R3HDM2: variants seen among roughly 807,000 people sequenced by gnomAD.
R3HDM2 encodes the protein R3H domain-containing protein 2.
R3HDM2 carries 38 observed loss-of-function variants against 124.5 expected under a neutral mutation model. The observed-to-expected ratio is 0.31, with a 90% CI of 0.24 to 0.40. The LOEUF (loss-of-function observed/expected upper bound fraction) is 0.40, where lower values mean the gene tolerates loss of function less well. Among genes scored for constraint, R3HDM2 ranks in the 10% least tolerant of loss-of-function variants. The pLI, the probability that R3HDM2 is intolerant of heterozygous loss-of-function variation, is 1.00. For missense variants in R3HDM2, 869 were observed against 1,236.9 expected (o/e 0.70, Z 4.46); for synonymous variants, 391 against 448.0 (o/e 0.87, Z 1.61).
At chr12:57,419,145 T>C (rs1254681246) in intron 1 of R3HDM2, among the ~76,000 whole-genome samples, 2 of 137,028 alleles carry the variant, frequency 1.5e-5, no homozygotes, top group African/African-American at 2.7e-5. Flanking sequence ...TCTCCTTTCC[T>C]TTTTTTTTTT....
chr12:57,318,016 G>A (rs75307615), intron 2 of R3HDM2, among the ~76,000 whole-genome samples: 2,612 of 151,018 alleles, frequency 0.017, 28 homozygotes, highest in Middle Eastern at 0.079. Flanking sequence ...ATGGCTGGGC[G>A]AGGTGGCTCA....
chr12:57,350,287 T>G (rs971519559), intron 2 of R3HDM2, among the ~76,000 whole-genome samples: 1 of 151,758 alleles, frequency 6.6e-6, no homozygotes, highest in South Asian at 2.1e-4. Context: ...ATAACAACAA[T>G]AAAAAATGGG....
chr12:57,296,771 A>G lies in R3HDM2; in HGVS notation c.561-220T>C. The G allele has an allele frequency of 2.0e-6, 1 of 498,030 alleles. No homozygotes were observed. Among genetic ancestry groups the G allele is most frequent in the South Asian group, 2.6e-5 (1 of 38,162 alleles). 30.9% of individuals were successfully genotyped at this position (498,030 alleles called of 1,614,324 possible). A position where few individuals can be genotyped will look rare whatever the true frequency, so the allele number is the denominator to read the frequency against. ...TTACTATGACCTACTTTCCTCATTA[A>G]GACTACTCATTGCTGGGTGCAGTGG... On this transcript the variant is annotated intron_variant, in intron 8 of 23. Transcript: ENST00000402412. The surrounding 1 kb of genome is among the most constrained non-coding windows in gnomAD (Gnocchi z 4.5).
rs2070491016 is a variant in R3HDM2 at position 57,424,235 on chromosome 12, GCA to G, written c.-106+6483_-106+6484del. Among the ~76,000 whole-genome samples, 3 of 150,752 alleles carry G rather than the reference GCA, an allele frequency of 2.0e-5. No individual in the cohort carries two copies. In the East Asian group the frequency reaches 5.9e-4, roughly 30 times the overall value. On this transcript the variant is annotated intron_variant, in intron 1 of 23. Coordinates refer to ENST00000402412, the MANE Select transcript of R3HDM2 (RefSeq NM_001394031.1). ...GTACAGTGGCGTGATCTCAATCACT[GCA>G]ACTTCCGCCTTCCAGGTTCAAGCAA...
At position 57,397,972 on chromosome 12, in the gene R3HDM2, A is replaced by C. The variant is rs372927757; in HGVS notation, c.-105-2154T>G. Among the ~76,000 whole-genome samples, 23 of 152,310 alleles carry C rather than the reference A, an allele frequency of 1.5e-4. No individual in the cohort carries two copies. The East Asian group carries it at 3.7e-3, about 24-fold the overall frequency. ...GCTAAGGCGGGCGAATCACGAGCTC[A>C]GGAGTTCGAGACCAGCCTGGCCAAC... On this transcript the variant is annotated intron_variant, in intron 1 of 23. Transcript: ENST00000402412.
intron 1 of R3HDM2, among the ~76,000 whole-genome samples, chr12:57,411,650 C>T (rs1325893893): frequency 6.6e-6 from 1 of 152,222 alleles, no homozygotes; most frequent in Non-Finnish European, 1.5e-5. Context: ...GCAGTACATT[C>T]TCAAGCTGTT....
intron 2 of R3HDM2, among the ~76,000 whole-genome samples, chr12:57,395,305 G>GT: frequency 6.6e-6 from 1 of 152,148 alleles, no homozygotes; most frequent in African/African-American, 2.4e-5. Flanking sequence ...GGGAGTTCCA[G>GT]ACCAGCCTGA....
At chr12:57,414,256 C>T (rs1472108945) in intron 1 of R3HDM2, among the ~76,000 whole-genome samples, 3 of 150,934 alleles carry the variant, frequency 2.0e-5, no homozygotes, top group Non-Finnish European at 3.0e-5. Flanking sequence ...GAGGCTGAGG[C>T]GGGCTGATCA....
chr12:57,332,771 A>C (rs2058372632), intron 2 of R3HDM2, among the ~76,000 whole-genome samples: 1 of 152,238 alleles, frequency 6.6e-6, no homozygotes, highest in African/African-American at 2.4e-5. Flanking sequence ...CAGATACTGA[A>C]CACACTTTTT....
intron 2 of R3HDM2, among the ~76,000 whole-genome samples, chr12:57,350,780 C>A (rs182956748): frequency 6.1e-4 from 93 of 152,214 alleles, no homozygotes; most frequent in African/African-American, 1.7e-3. Context: ...CATAGGAAGA[C>A]CCTGTCTCTA....
At chr12:57,277,699 C>T (rs564309428) in intron 14 of R3HDM2, among the ~76,000 whole-genome samples, 10 of 152,274 alleles carry the variant, frequency 6.6e-5, no homozygotes, top group African/African-American at 2.2e-4. Context: ...CTGCCCTCCT[C>T]GGCCTCCCAA....
intron 14 of R3HDM2, chr12:57,272,670 A>T: frequency 1.8e-6 from 1 of 563,764 alleles, no homozygotes; most frequent in South Asian, 2.0e-5. Flanking sequence ...AAGGAACAAT[A>T]AGGTTAATAA....
intron 2 of R3HDM2, among the ~76,000 whole-genome samples, chr12:57,322,458 T>A (rs1358512433): frequency 6.6e-6 from 1 of 152,066 alleles, no homozygotes; most frequent in Admixed American, 6.6e-5. Flanking sequence ...AAAAGGTACA[T>A]GATTTACTGA....
At chr12:57,322,451 AG>A (rs2056605191) in intron 2 of R3HDM2, among the ~76,000 whole-genome samples, 1 of 152,076 alleles carries the variant, frequency 6.6e-6, no homozygotes, top group South Asian at 2.1e-4. Context: ...GAAAATGAAA[AG>A]GTACATGATT....
intron 1 of R3HDM2, among the ~76,000 whole-genome samples, chr12:57,418,997 A>C (rs2069921763): frequency 6.6e-6 from 1 of 152,196 alleles, no homozygotes; most frequent in African/African-American, 2.4e-5. Flanking sequence ...CATTTCTCTG[A>C]TTAAAAATCT....
chr12:57,346,504 C>G (rs1391872112), intron 2 of R3HDM2, among the ~76,000 whole-genome samples: 1 of 151,534 alleles, frequency 6.6e-6, no homozygotes, highest in Non-Finnish European at 1.5e-5. Flanking sequence ...GGAAGTGGGA[C>G]AACATTTTTT....
chr12:57,310,196 A>C, intron 3 of R3HDM2, 68 bp downstream of exon 3: 3 of 1,196,396 alleles, frequency 2.5e-6, no homozygotes, highest in Non-Finnish European at 3.4e-6. Context: ...GGTAACAGAC[A>C]GAGCTGGGTA....
chr12:57,428,878 C>G (rs899926587), intron 1 of R3HDM2, among the ~76,000 whole-genome samples: 1 of 151,856 alleles, frequency 6.6e-6, no homozygotes, highest in Non-Finnish European at 1.5e-5. Flanking sequence ...TGCCAAGAAG[C>G]TGAGATTACA....
chr12:57,309,199 C>G (rs988719434), intron 3 of R3HDM2, among the ~76,000 whole-genome samples: 2 of 152,178 alleles, frequency 1.3e-5, no homozygotes, highest in African/African-American at 4.8e-5. Flanking sequence ...AGTTTCCAGA[C>G]CCTCTAAAAT....
Sources: gnomAD v4.1 joint callset for allele counts (sites outside exome capture counted in the v4.1 genomes callset) on GRCh38, gnomAD v4.1.1 for gene constraint, Gnocchi (gnomAD v3.1) non-coding constraint, MANE v1.5 for transcripts, NCBI Gene and HGNC (gene_info 2026-07-23, HGNC 2026-07-21) for gene names.